The following AGO1 variants were observed in gnomAD, a reference collection of about 807,000 sequenced individuals.
AGO1 encodes the protein protein argonaute-1.
In AGO1, 11 loss-of-function variants were observed where a neutral mutation model predicts 109.2. The ratio of observed to expected loss-of-function variants is 0.10; its 90% CI spans 0.06 to 0.17. The LOEUF (loss-of-function observed/expected upper bound fraction) is 0.17, where lower values mean the gene tolerates loss of function less well. AGO1 is among the 10% of genes least tolerant of loss of function. AGO1 has a pLI of 1.00. For missense variants in AGO1, 574 were observed against 1,140.3 expected, an observed-to-expected ratio of 0.50 and a Z score of 7.15; for synonymous variants, 422 against 418.6, an observed-to-expected ratio of 1.01 and a Z score of -0.10.
intron 1 of AGO1, among the ~76,000 whole-genome samples, chr1:35,874,457 A>G (rs887933604): frequency 6.6e-6 from 1 of 152,230 alleles, no homozygotes; most frequent in Non-Finnish European, 1.5e-5. Flanking sequence ...GATTATGGGC[A>G]TGAGCCAACG....
upstream of AGO1, among the ~76,000 whole-genome samples, chr1:35,879,671 G>A (rs1447703648): frequency 7.5e-6 from 1 of 134,150 alleles, no homozygotes; most frequent in Non-Finnish European, 1.5e-5. Context: ...GGAGGCAGAG[G>A]CTGCAGTGAC....
chr1:35,894,476 C>A, intron 7 of AGO1, 74 bp downstream of exon 7: 2 of 1,424,668 alleles, frequency 1.4e-6, no homozygotes, highest in Non-Finnish European at 1.9e-6. Flanking sequence ...CTTTCCCTCC[C>A]TCCCTCCCCC....
chr1:35,905,375 T>C (rs1645500748), intron 11 of AGO1, among the ~76,000 whole-genome samples: 1 of 152,236 alleles, frequency 6.6e-6, no homozygotes, highest in South Asian at 2.1e-4. Context: ...ATGTAGAGAA[T>C]AACATGTATC....
chr1:35,877,061 G>A (rs920387986), intron 1 of AGO1, among the ~76,000 whole-genome samples: 1 of 152,178 alleles, frequency 6.6e-6, no homozygotes, highest in Non-Finnish European at 1.5e-5. Flanking sequence ...CCAAGTTTAG[G>A]GTTTTGGGGC....
chr1:35,920,742 T>G lies in AGO1; in HGVS notation c.*1135T>G, dbSNP rs1228516462. The G allele has an allele frequency of 6.6e-6, 1 of 152,660 alleles. No homozygotes were observed. Among genetic ancestry groups the G allele is most frequent in the African/African-American group, 2.4e-5 (1 of 41,450 alleles). The allele number at this position is 152,660 out of a possible 1,614,324, so 9.5% of individuals were successfully genotyped here. A position where few individuals can be genotyped will look rare whatever the true frequency, so the allele number is the denominator to read the frequency against. ...GAGTTACTTTCATAGCATTTTTCAC[T>G]CTTGGCTTCTTTTCTCCCTTGATGG... On this transcript the variant is annotated 3_prime_UTR_variant, in exon 19 of 19. Coordinates refer to ENST00000373204, the MANE Select transcript of AGO1 (RefSeq NM_012199.5).
intron 12 of AGO1, 74 bp downstream of exon 12, chr1:35,907,193 G>A: frequency 1.5e-6 from 2 of 1,371,566 alleles, no homozygotes; most frequent in Non-Finnish European, 2.0e-6. Flanking sequence ...CTCCTGGGAA[G>A]GACTCAGTCT....
intron 12 of AGO1, among the ~76,000 whole-genome samples, chr1:35,912,155 A>C (rs1645645023): frequency 6.6e-6 from 1 of 152,130 alleles, no homozygotes; most frequent in South Asian, 2.1e-4. Flanking sequence ...CAGGAGATCG[A>C]GACCATCCTG....
At chr1:35,889,289 C>G (rs922364236) in intron 2 of AGO1, among the ~76,000 whole-genome samples, 2 of 150,406 alleles carry the variant, frequency 1.3e-5, no homozygotes, top group South Asian at 4.2e-4. Flanking sequence ...TCTCAACTCA[C>G]TGCAACCTCT....
At chr1:35,906,685 C>G (rs564163567) in intron 11 of AGO1, among the ~76,000 whole-genome samples, 1 of 151,972 alleles carries the variant, frequency 6.6e-6, no homozygotes, top group East Asian at 1.9e-4. Flanking sequence ...TGGCATTCCT[C>G]TAGTCCTACC....
At chr1:35,871,028 G>A (rs889214341) in intron 1 of AGO1, among the ~76,000 whole-genome samples, 1 of 152,176 alleles carries the variant, frequency 6.6e-6, no homozygotes, top group African/African-American at 2.4e-5. Flanking sequence ...TACAAACAGT[G>A]CTGCTAAGAA....
At chr1:35,905,501 G>A (rs543570933) in intron 11 of AGO1, among the ~76,000 whole-genome samples, 4 of 151,742 alleles carry the variant, frequency 2.6e-5, no homozygotes, top group East Asian at 3.9e-4. Context: ...TGACAGCCTC[G>A]CTCTTGCCCA....
intron 1 of AGO1, among the ~76,000 whole-genome samples, chr1:35,876,024 G>A (rs945464628): frequency 6.6e-6 from 1 of 152,166 alleles, no homozygotes; most frequent in Non-Finnish European, 1.5e-5. Context: ...ATGCCATTAA[G>A]AACATTCATA....
chr1:35,896,188 G>A (rs61262751), intron 8 of AGO1, among the ~76,000 whole-genome samples: 10,312 of 151,966 alleles, frequency 0.068, 419 homozygotes, highest in South Asian at 0.15. Flanking sequence ...TAGTAGAGAC[G>A]GGGTTTCTCC....
In AGO1 at chr1:35,919,759, G is replaced by A. The variant is rs1211269541; in HGVS notation, c.*152G>A. 1.5e-5 allele frequency: 10 copies of A among 657,526 alleles called. No individual in the cohort carries two copies. Among genetic ancestry groups the A allele is most frequent in the Non-Finnish European group, 2.0e-5 (8 of 391,374 alleles). 40.7% of individuals were successfully genotyped at this position (657,526 alleles called of 1,614,324 possible). ...CCTTCTATAGAGGTGGTGTAAGAGT[G>A]GGGAACAGGGCCAGCAAGACAGACC... On this transcript the variant is annotated 3_prime_UTR_variant, in exon 19 of 19. Transcript: ENST00000373204. The surrounding 1 kb of genome is among the most constrained non-coding windows in gnomAD (Gnocchi z 6.6).
At chr1:35,908,599 T>G (rs1645571308) in intron 12 of AGO1, among the ~76,000 whole-genome samples, 2 of 152,172 alleles carry the variant, frequency 1.3e-5, no homozygotes. Context: ...TCTTAGAAAG[T>G]GTTTTGTTGG....
rs116755278 is a variant in AGO1 at position 35,906,919 on chromosome 1, C to A, written c.1398-16C>A. The A allele has an allele frequency of 5.0e-6, 8 of 1,599,280 alleles. No individual in the cohort carries two copies. Among genetic ancestry groups the A allele is most frequent in the Non-Finnish European group, 6.0e-6 (7 of 1,171,494 alleles). ...GTGAGACTCACTGCCTCCTTTGTGACCATGCGTGTGTACAGGAACTTCACA... is the reference window on the plus strand; with the variant it reads ...GTGAGACTCACTGCCTCCTTTGTGAACATGCGTGTGTACAGGAACTTCACA... On this transcript the variant is annotated splice_polypyrimidine_tract_variant and intron_variant, in intron 11 of 18. Coordinates refer to ENST00000373204, the MANE Select transcript of AGO1 (RefSeq NM_012199.5).
chr1:35,888,750 A>C lies in AGO1; in HGVS notation c.209+140A>C. 1.1e-6 allele frequency: 1 copy of C among 902,080 alleles called. No homozygotes were observed. Among genetic ancestry groups the C allele is most frequent in the Non-Finnish European group, 1.6e-6 (1 of 610,828 alleles). 55.9% of individuals were successfully genotyped at this position (902,080 alleles called of 1,614,324 possible). On this transcript the variant is annotated intron_variant, in intron 2 of 18. Transcript: ENST00000373204. This position sits in a 1 kb window ranked among gnomAD's most constrained non-coding sequence, Gnocchi z 4.1. ...TTGAACGGGAGATGCCACGTCGGGT[A>C]AATGCTGAAAAATAGTCCAATTGGA...
chr1:35,876,115 G>A (rs1276806240), intron 1 of AGO1, among the ~76,000 whole-genome samples: 1 of 152,132 alleles, frequency 6.6e-6, no homozygotes. Flanking sequence ...TGACTTTGAG[G>A]GGTTCAAGAC....
chr1:35,889,753 G>A (rs955343989), intron 2 of AGO1, among the ~76,000 whole-genome samples: 10 of 151,992 alleles, frequency 6.6e-5, no homozygotes, highest in African/African-American at 2.2e-4. Context: ...TGCACCCTCT[G>A]CCTCCTAGGT....
Sources: gnomAD v4.1 joint callset for allele counts (sites outside exome capture counted in the v4.1 genomes callset) on GRCh38, gnomAD v4.1.1 for gene constraint, Gnocchi (gnomAD v3.1) non-coding constraint, MANE v1.5 for transcripts, NCBI Gene and HGNC (gene_info 2026-07-23, HGNC 2026-07-21) for gene names.